USP25: variants seen among roughly 807,000 people sequenced by gnomAD.
The protein encoded by USP25 is ubiquitin specific peptidase 25, also known as ubiquitin carboxyl-terminal hydrolase 25.
USP25 carries 85 observed loss-of-function variants against 158.5 expected under a neutral mutation model. The observed-to-expected ratio is 0.54, with a 90% confidence interval of 0.45 to 0.64. The LOEUF (loss-of-function observed/expected upper bound fraction) is 0.64. Among genes scored for constraint, USP25 ranks in the 30% least tolerant of loss-of-function variants. The pLI, the probability that USP25 is intolerant of heterozygous loss-of-function variation, is 0.00. For synonymous variants in USP25, 464 were observed against 460.4 expected (o/e 1.01, Z -0.10); for missense variants, 1,242 against 1,327.3 (o/e 0.94, Z 1.00).
chr21:15,750,336 A>G (rs535852855), intron 1 of USP25, among the ~76,000 whole-genome samples: 82 of 150,276 alleles, frequency 5.5e-4, no homozygotes, highest in African/African-American at 1.9e-3. Flanking sequence ...GGTTCAAGCA[A>G]TTCTTCTGTC....
chr21:15,783,521 C>T (rs961491569), intron 4 of USP25, among the ~76,000 whole-genome samples: 2 of 152,102 alleles, frequency 1.3e-5, no homozygotes, highest in African/African-American at 4.8e-5. Context: ...TCCCATTAGA[C>T]TGTCAGTACA....
chr21:15,746,556 G>A (rs989129279), intron 1 of USP25, among the ~76,000 whole-genome samples: 2 of 151,804 alleles, frequency 1.3e-5, no homozygotes, highest in Non-Finnish European at 2.9e-5. Context: ...CACCACACCC[G>A]GCTAATTTTT....
In USP25 at chr21:15,740,399, GT is replaced by G. The variant is rs1028009925; in HGVS notation, c.45+9970del. Among the ~76,000 whole-genome samples, 8 of 150,922 alleles carry G rather than the reference GT, an allele frequency of 5.3e-5. No individual in the cohort carries two copies. The South Asian group carries it at 8.4e-4, about 16-fold the overall frequency. On this transcript the variant is annotated intron_variant, in intron 1 of 25. Transcript: ENST00000400183. ...GAAGCAGGGTCTTTGAACGGACATT[GT>G]TTTTTTTTGTTTCAGGTGTTTCTCT...
chr21:15,859,993 T>A (rs55839870), intron 20 of USP25, among the ~76,000 whole-genome samples: 7,288 of 94,618 alleles, frequency 0.077, 186 homozygotes, highest in African/African-American at 0.15. Flanking sequence ...ATATCTATAT[T>A]TTTTTTTTTT....
intron 22 of USP25, among the ~76,000 whole-genome samples, chr21:15,867,411 C>T (rs1555866470): frequency 6.6e-6 from 1 of 151,728 alleles, no homozygotes; most frequent in African/African-American, 2.4e-5. Flanking sequence ...GCTAGTTTGG[C>T]GTATAAGGTA....
intron 3 of USP25, among the ~76,000 whole-genome samples, chr21:15,774,570 T>C (rs2034533364): frequency 6.6e-6 from 1 of 152,174 alleles, no homozygotes. Flanking sequence ...TTCTTTTAAA[T>C]AAAAATTGCA....
At chr21:15,823,319 C>T (rs922127649) in intron 10 of USP25, among the ~76,000 whole-genome samples, 1 of 150,756 alleles carries the variant, frequency 6.6e-6, no homozygotes, top group African/African-American at 2.4e-5. Context: ...GAATTTCATG[C>T]TTAATTGAAC....
intron 4 of USP25, among the ~76,000 whole-genome samples, chr21:15,781,894 G>A (rs1391129516): frequency 1.3e-5 from 2 of 152,102 alleles, no homozygotes; most frequent in Non-Finnish European, 2.9e-5. Context: ...TTGACACCCT[G>A]CACCCCTGCA....
intron 4 of USP25, among the ~76,000 whole-genome samples, chr21:15,779,258 A>G (rs1339146062): frequency 6.6e-6 from 1 of 152,084 alleles, no homozygotes; most frequent in East Asian, 1.9e-4. Context: ...TTGAGAAATT[A>G]TATGAATTGG....
At chr21:15,835,337 A>C (rs2059804537) in intron 17 of USP25, among the ~76,000 whole-genome samples, 1 of 152,190 alleles carries the variant, frequency 6.6e-6, no homozygotes, top group Non-Finnish European at 1.5e-5. Flanking sequence ...TTTCAGAGTT[A>C]ACATATTTTA....
intron 6 of USP25, among the ~76,000 whole-genome samples, chr21:15,802,399 T>C (rs769264126): frequency 6.6e-6 from 1 of 151,574 alleles, no homozygotes; most frequent in Non-Finnish European, 1.5e-5. Flanking sequence ...GCTGGATTTA[T>C]AAGTCTCAGT....
Position 15,831,470 on chromosome 21 carries a change from A to G in USP25, c.1834A>G (p.Ile612Val). The G allele has an allele frequency of 6.2e-7, 1 of 1,614,040 alleles. No individual in the cohort carries two copies. Among genetic ancestry groups the G allele is most frequent in the Non-Finnish European group, 8.5e-7 (1 of 1,179,964 alleles). ...TAATGCTGGGCACTACTGGGCATAT[A>G]TTTTTGATCATCGTGAAAGCAGATG... ...QANAGHYWAY[I>V]FDHRESRWMK... is the part of the protein sequence containing the mutation. The change falls in exon 16 of 26, where the codon ATT becomes GTT. Residue 612 changes from isoleucine to valine, a missense_variant. Physicochemically the swap from Ile to Val is conservative, Grantham distance 29. Coordinates refer to ENST00000400183, the MANE Select transcript of USP25 (RefSeq NM_001283041.3).
intron 8 of USP25, among the ~76,000 whole-genome samples, chr21:15,809,860 C>G (rs2036571570): frequency 6.6e-6 from 1 of 151,908 alleles, no homozygotes; most frequent in Non-Finnish European, 1.5e-5. Flanking sequence ...GTAACATGAC[C>G]CCTTGAAGAT....
intron 12 of USP25, among the ~76,000 whole-genome samples, chr21:15,825,493 G>A (rs955729455): frequency 1.3e-5 from 2 of 152,108 alleles, no homozygotes; most frequent in African/African-American, 2.4e-5. Flanking sequence ...GGTATGTGCC[G>A]GGAGCCTAGA....
At chr21:15,765,235 G>C (rs1198086382) in intron 2 of USP25, among the ~76,000 whole-genome samples, 4 of 152,038 alleles carry the variant, frequency 2.6e-5, no homozygotes, top group Non-Finnish European at 5.9e-5. Flanking sequence ...AACTGTTTTA[G>C]AGCTAACGTT....
chr21:15,854,583 A>T (rs1390979285), intron 20 of USP25, among the ~76,000 whole-genome samples: 3 of 152,028 alleles, frequency 2.0e-5, no homozygotes, highest in Non-Finnish European at 4.4e-5. Flanking sequence ...CTGAATATGG[A>T]TTTCCTTATG....
intron 3 of USP25, among the ~76,000 whole-genome samples, chr21:15,772,868 GTA>G (rs1190491818): frequency 6.6e-6 from 1 of 152,154 alleles, no homozygotes; most frequent in East Asian, 1.9e-4. Flanking sequence ...TTTCAGGATT[GTA>G]TGTGTGGACC....
At chr21:15,736,644 A>G (rs2031548848) in intron 1 of USP25, among the ~76,000 whole-genome samples, 1 of 151,504 alleles carries the variant, frequency 6.6e-6, no homozygotes, top group African/African-American at 2.4e-5. Flanking sequence ...TTTTGATAAT[A>G]TAAAACATTA....
chr21:15,864,700 A>G (rs139838608), intron 21 of USP25, among the ~76,000 whole-genome samples: 1,619 of 152,272 alleles, frequency 0.011, 10 homozygotes, highest in Non-Finnish European at 0.015. Context: ...ATTACACTCA[A>G]TATTTTAGAA....
Sources: allele counts gnomAD v4.1 joint callset (sites outside exome capture counted in the v4.1 genomes callset), GRCh38; gene constraint gnomAD v4.1.1; transcripts MANE v1.5; gene names NCBI Gene and HGNC (gene_info 2026-07-23, HGNC 2026-07-21).